Variants in UNC5D observed in about 807,000 individuals in gnomAD.
UNC5D encodes unc-5 netrin receptor D.
Under a neutral mutation model 105.4 loss-of-function variants are expected in UNC5D, and 39 were observed. That is an observed-to-expected ratio of 0.37 (90% CI 0.29 to 0.48). The LOEUF is 0.48. UNC5D is among the 20% of genes least tolerant of loss of function. The probability of loss-of-function intolerance (pLI) is 0.98; values close to 1 mark genes in which losing one functional copy is unlikely to be tolerated. For missense variants in UNC5D, 991 were observed against 1,202.4 expected (o/e 0.82, Z 2.60); for synonymous variants, 452 against 450.4 (o/e 1.00, Z -0.04).
intron 1 of UNC5D, among the ~76,000 whole-genome samples, chr8:35,377,184 C>T (rs1284751821): frequency 1.3e-5 from 2 of 152,278 alleles, no homozygotes; most frequent in East Asian, 1.9e-4. Context: ...GATGGCAGAC[C>T]TCCATTACAA....
chr8:35,415,776 T>A (rs1259462046), intron 1 of UNC5D, among the ~76,000 whole-genome samples: 2 of 152,146 alleles, frequency 1.3e-5, no homozygotes, highest in Admixed American at 1.3e-4. Context: ...GACCATGACT[T>A]TTCCCCTCTC....
chr8:35,393,185 T>G (rs1196694078), intron 1 of UNC5D, among the ~76,000 whole-genome samples: 1 of 131,208 alleles, frequency 7.6e-6, no homozygotes, highest in East Asian at 2.3e-4. Context: ...CAGGCTGGAG[T>G]GCAGTGGCGC....
At chr8:35,635,653 G>C (rs1822324411) in intron 4 of UNC5D, among the ~76,000 whole-genome samples, 1 of 152,126 alleles carries the variant, frequency 6.6e-6, no homozygotes, top group Non-Finnish European at 1.5e-5. Context: ...ATGTAGTAAA[G>C]GGTTCTTCTG....
At chr8:35,251,951 T>C (rs929141499) in intron 1 of UNC5D, among the ~76,000 whole-genome samples, 10 of 151,886 alleles carry the variant, frequency 6.6e-5, no homozygotes, top group Admixed American at 6.6e-4. Flanking sequence ...GTAGGAAATA[T>C]AGCATAGGCA....
At chr8:35,538,397 ATATATATATATATAT>A (rs1563513916) in intron 1 of UNC5D, among the ~76,000 whole-genome samples, 559 of 47,006 alleles carry the variant, frequency 0.012, 11 homozygotes, top group African/African-American at 0.031. Flanking sequence ...AAAAATAATT[ATATATATATATATAT>A]ATATATATAT....
chr8:35,528,217 C>G (rs960648572), intron 1 of UNC5D, among the ~76,000 whole-genome samples: 2,806 of 150,236 alleles, frequency 0.019, 62 homozygotes, highest in Non-Finnish European at 0.024. Flanking sequence ...CCACCACAGT[C>G]CCCAGAGTGT....
chr8:35,392,747 G>A (rs962606098), intron 1 of UNC5D, among the ~76,000 whole-genome samples: 2 of 152,124 alleles, frequency 1.3e-5, no homozygotes, highest in Non-Finnish European at 2.9e-5. Flanking sequence ...GGGGTAAAGG[G>A]GTGGAAGATG....
intron 4 of UNC5D, among the ~76,000 whole-genome samples, chr8:35,622,427 T>C (rs2131034343): frequency 6.6e-6 from 1 of 152,274 alleles, no homozygotes; most frequent in Non-Finnish European, 1.5e-5. Context: ...TTCAAGAGCA[T>C]GGATCTTGAT....
intron 11 of UNC5D, among the ~76,000 whole-genome samples, chr8:35,737,252 CTGTGTGTGTGTGTGTG>C (rs369792188): frequency 6.3e-4 from 75 of 119,882 alleles, no homozygotes; most frequent in South Asian, 5.3e-3. Flanking sequence ...AAGATCTGCT[CTGTGTGTGTGTGTGTG>C]TGTGTGTGTG....
chr8:35,672,784 C>T (rs1422732770), intron 4 of UNC5D, among the ~76,000 whole-genome samples: 2 of 152,064 alleles, frequency 1.3e-5, no homozygotes, highest in African/African-American at 4.8e-5. Flanking sequence ...TTTCAGTAAA[C>T]AGTGGATGAG....
chr8:35,317,048 A>G (rs1055636089), intron 1 of UNC5D, among the ~76,000 whole-genome samples: 1 of 152,190 alleles, frequency 6.6e-6, no homozygotes, highest in African/African-American at 2.4e-5. Flanking sequence ...TAGACAGCAG[A>G]TATTTCAATT....
chr8:35,492,660 C>T (rs937490411), intron 1 of UNC5D, among the ~76,000 whole-genome samples: 1 of 151,830 alleles, frequency 6.6e-6, no homozygotes, highest in African/African-American at 2.4e-5. Context: ...AAAGAAGGGC[C>T]AGATGGTTGA....
intron 1 of UNC5D, among the ~76,000 whole-genome samples, chr8:35,330,489 A>G (rs560443693): frequency 6.6e-6 from 1 of 152,348 alleles, no homozygotes; most frequent in South Asian, 2.1e-4. Flanking sequence ...CAAAACTGCT[A>G]GCTGATGCGC....
At chr8:35,789,641 T>C (rs1802937073) in intron 16 of UNC5D, among the ~76,000 whole-genome samples, 1 of 152,028 alleles carries the variant, frequency 6.6e-6, no homozygotes, top group Non-Finnish European at 1.5e-5. Context: ...TTTAGAGATC[T>C]GTAATTAGCT....
At chr8:35,266,371 G>C (rs1204035794) in intron 1 of UNC5D, among the ~76,000 whole-genome samples, 1 of 152,120 alleles carries the variant, frequency 6.6e-6, no homozygotes, top group African/African-American at 2.4e-5. Flanking sequence ...AAATACTGTT[G>C]AACCATATAT....
At chr8:35,526,893 A>G (rs1016151153) in intron 1 of UNC5D, among the ~76,000 whole-genome samples, 3 of 152,120 alleles carry the variant, frequency 2.0e-5, no homozygotes, top group Non-Finnish European at 4.4e-5. Flanking sequence ...CTGCAGGCAC[A>G]CGGTCTTCCT....
chr8:35,787,689 C>T (rs1802811542), intron 16 of UNC5D, among the ~76,000 whole-genome samples: 1 of 152,138 alleles, frequency 6.6e-6, no homozygotes, highest in Non-Finnish European at 1.5e-5. Context: ...ACAATCATAG[C>T]TCTCTGCAGC....
At position 35,790,632 on chromosome 8, in the gene UNC5D, G is replaced by A. The variant is rs1330365266; in HGVS notation, c.*69G>A. 4.5e-6 allele frequency: 7 copies of A among 1,552,434 alleles called. No individual in the cohort carries two copies. Among genetic ancestry groups the A allele is most frequent in the African/African-American group, 1.4e-5 (1 of 73,856 alleles). On this transcript the variant is annotated 3_prime_UTR_variant, in exon 17 of 17. Transcript: ENST00000404895. ...ATTTGCTTTAAATGGGAAAGAGGCCGCTTTCTGCCCAGTGGCGTTGGGGGA... is the reference window on the plus strand; with the variant it reads ...ATTTGCTTTAAATGGGAAAGAGGCCACTTTCTGCCCAGTGGCGTTGGGGGA...
chr8:35,250,519 G>A (rs953119474), intron 1 of UNC5D, among the ~76,000 whole-genome samples: 1 of 152,064 alleles, frequency 6.6e-6, no homozygotes, highest in African/African-American at 2.4e-5. Context: ...TTTTGAGATG[G>A]AGTCTCGCTC....
Sources: gnomAD v4.1 joint callset for allele counts (sites outside exome capture counted in the v4.1 genomes callset) on GRCh38, gnomAD v4.1.1 for gene constraint, MANE v1.5 for transcripts, NCBI Gene and HGNC (gene_info 2026-07-23, HGNC 2026-07-21) for gene names.